RUNX2: variants seen among roughly 807,000 people sequenced by gnomAD.
RUNX2 encodes the protein runt-related transcription factor 2.
A neutral mutation model predicts 51.7 loss-of-function variants in RUNX2; 10 were observed. The ratio of observed to expected loss-of-function variants is 0.19; its 90% confidence interval spans 0.12 to 0.33. The LOEUF is 0.33. Among genes scored for constraint, RUNX2 ranks in the 10% least tolerant of loss-of-function variants. RUNX2 has a pLI of 1.00. For missense variants in RUNX2, 562 were observed against 691.3 expected (o/e 0.81, Z 2.10); for synonymous variants, 276 against 273.6 (o/e 1.01, Z -0.09).
At chr6:45,411,852 CT>C (rs1474267641) in intron 2 of RUNX2, among the ~76,000 whole-genome samples, 3 of 152,246 alleles carry the variant, frequency 2.0e-5, no homozygotes, top group African/African-American at 7.2e-5. Flanking sequence ...AATGAAACTA[CT>C]AGATGCAACC....
intron 2 of RUNX2, chr6:45,422,243 C>G: frequency 3.6e-6 from 1 of 278,390 alleles, no homozygotes; most frequent in South Asian, 3.9e-5. Context: ...CCATTCCAAG[C>G]TGCAAACTCA....
At chr6:45,520,589 G>A (rs541337985) in intron 7 of RUNX2, among the ~76,000 whole-genome samples, 1 of 152,234 alleles carries the variant, frequency 6.6e-6, no homozygotes, top group South Asian at 2.1e-4. Context: ...CTTTGCACTG[G>A]GGGGCAGGGC....
chr6:45,370,878 T>C (rs1369864868), intron 2 of RUNX2, among the ~76,000 whole-genome samples: 2 of 152,138 alleles, frequency 1.3e-5, no homozygotes, highest in Non-Finnish European at 2.9e-5. Flanking sequence ...CTATTCCATA[T>C]GCTTTCATAT....
intron 5 of RUNX2, among the ~76,000 whole-genome samples, chr6:45,440,911 A>G (rs893540918): frequency 1.3e-5 from 2 of 152,162 alleles, no homozygotes; most frequent in Non-Finnish European, 2.9e-5. Flanking sequence ...TTTTCAGATT[A>G]AGGATACTCG....
At chr6:45,486,863 G>T (rs1800298822) in intron 5 of RUNX2, among the ~76,000 whole-genome samples, 1 of 152,210 alleles carries the variant, frequency 6.6e-6, no homozygotes. Context: ...TACTTTCATA[G>T]TTCACAGACC....
At chr6:45,418,005 G>C (rs17288397) in intron 2 of RUNX2, among the ~76,000 whole-genome samples, 1 of 152,144 alleles carries the variant, frequency 6.6e-6, no homozygotes, top group South Asian at 2.1e-4. Flanking sequence ...GAGTCCAAAC[G>C]AAAATTCTCC....
chr6:45,346,205 C>T (rs1790821540), intron 2 of RUNX2, among the ~76,000 whole-genome samples: 1 of 152,014 alleles, frequency 6.6e-6, no homozygotes, highest in African/African-American at 2.4e-5. Flanking sequence ...AAGATTCTCA[C>T]TCTACTTATG....
chr6:45,437,774 C>G (rs548622728), intron 4 of RUNX2, among the ~76,000 whole-genome samples, 173 bp from the exon 5 acceptor site: 2 of 152,224 alleles, frequency 1.3e-5, no homozygotes, highest in Admixed American at 1.3e-4. Context: ...TTGGAAATGT[C>G]CTAAAGTGGT....
intron 7 of RUNX2, among the ~76,000 whole-genome samples, chr6:45,538,489 G>C (rs980099748): frequency 6.6e-6 from 1 of 152,016 alleles, no homozygotes; most frequent in Non-Finnish European, 1.5e-5. Flanking sequence ...TATCTAAGCT[G>C]TTATTTTTAG....
At chr6:45,540,430 C>T (rs1038471298) in intron 7 of RUNX2, among the ~76,000 whole-genome samples, 3 of 152,096 alleles carry the variant, frequency 2.0e-5, no homozygotes, top group Non-Finnish European at 4.4e-5. Context: ...CATGCTCTGT[C>T]AGGGTGCAGA....
At chr6:45,513,947 T>A (rs1489017054) in intron 7 of RUNX2, among the ~76,000 whole-genome samples, 1 of 152,206 alleles carries the variant, frequency 6.6e-6, no homozygotes, top group South Asian at 2.1e-4. Context: ...GTTCTGGTTA[T>A]TCCTTCTGCA....
At chr6:45,379,952 A>G (rs975617819) in intron 2 of RUNX2, among the ~76,000 whole-genome samples, 1 of 152,202 alleles carries the variant, frequency 6.6e-6, no homozygotes, top group East Asian at 1.9e-4. Flanking sequence ...TGATACAGGA[A>G]GTTTAAAAAT....
chr6:45,459,140 T>A (rs1443928380), intron 5 of RUNX2, among the ~76,000 whole-genome samples: 1 of 152,240 alleles, frequency 6.6e-6, no homozygotes, highest in Non-Finnish European at 1.5e-5. Context: ...TTACTTTAGC[T>A]TGGGTTCTTG....
At chr6:45,391,211 G>A (rs1797461991) in intron 2 of RUNX2, among the ~76,000 whole-genome samples, 1 of 152,166 alleles carries the variant, frequency 6.6e-6, no homozygotes, top group South Asian at 2.1e-4. Context: ...CCTGGTTGAA[G>A]GTGACTAGAT....
At chr6:45,328,833 A>G in intron 2 of RUNX2, 49 bp downstream of exon 2, 1 of 1,569,002 alleles carries the variant, frequency 6.4e-7, no homozygotes, top group Non-Finnish European at 8.8e-7. Flanking sequence ...CCTGTTAAAC[A>G]TAAAGGTATG....
At chr6:45,489,713 TGTGA>T (rs1800399695) in intron 5 of RUNX2, among the ~76,000 whole-genome samples, 2 of 152,090 alleles carry the variant, frequency 1.3e-5, no homozygotes, top group South Asian at 2.1e-4. Flanking sequence ...TGTGTCTGTG[TGTGA>T]GTGTGAGGAA....
chr6:45,531,048 A>G lies in RUNX2; in HGVS notation c.1022-14169A>G, dbSNP rs182147415. 1.4e-3 allele frequency among the ~76,000 whole-genome samples: 220 copies of G among 152,356 alleles called. 1 individual carries two copies. The highest frequency in any genetic ancestry group is 3.6e-3 in the Admixed American group (55 of 15,310). ...CTACTATACTCAGTAGTTTGCCAGC[A>G]GGAAATGAGGGCTCAGAGACATTTA... is the stretch of plus-strand genomic sequence containing the variant. On this transcript the variant is annotated intron_variant, in intron 7 of 8. Coordinates refer to ENST00000647337, the MANE Select transcript of RUNX2 (RefSeq NM_001024630.4).
At chr6:45,423,599 C>CG (rs3840375) in intron 3 of RUNX2, among the ~76,000 whole-genome samples, 12,580 of 152,298 alleles carry the variant, frequency 0.083, 725 homozygotes, top group South Asian at 0.18. Context: ...CATTAGTGCC[C>CG]GGGGCTGGGC....
intron 2 of RUNX2, among the ~76,000 whole-genome samples, chr6:45,331,130 C>T (rs916688341): frequency 4.6e-4 from 62 of 133,660 alleles, no homozygotes; most frequent in African/African-American, 1.3e-3. Flanking sequence ...TGTGTGTGCG[C>T]GCGCGCGCGC....
Sources: gnomAD v4.1 joint callset for allele counts (sites outside exome capture counted in the v4.1 genomes callset) on GRCh38, gnomAD v4.1.1 for gene constraint, MANE v1.5 for transcripts, NCBI Gene and HGNC (gene_info 2026-07-23, HGNC 2026-07-21) for gene names.